Variants in FBXL5 observed in about 807,000 individuals in gnomAD.
FBXL5 encodes the protein F-box/LRR-repeat protein 5.
FBXL5 carries 26 observed loss-of-function variants against 78.3 expected under a neutral mutation model. The observed-to-expected ratio is 0.33, with a 90% CI of 0.24 to 0.46. The LOEUF is 0.46. Ranked by LOEUF, FBXL5 falls within the 20% of genes least tolerant of loss-of-function variation. FBXL5 has a pLI of 1.00. For missense variants in FBXL5, 710 were observed against 829.2 expected (o/e 0.86, Z 1.77); for synonymous variants, 295 against 282.5 (o/e 1.04, Z -0.45).
At chr4:15,622,831 T>C (rs1166348831) in intron 9 of FBXL5, among the ~76,000 whole-genome samples, 2 of 152,212 alleles carry the variant, frequency 1.3e-5, no homozygotes, top group Non-Finnish European at 2.9e-5. Flanking sequence ...ATCCTACGTG[T>C]TCCCTTGTTC....
intron 6 of FBXL5, 41 bp downstream of exon 6, chr4:15,630,625 T>C (rs1189047572): frequency 7.3e-6 from 11 of 1,496,726 alleles, no homozygotes; most frequent in Non-Finnish European, 9.8e-6. Context: ...TTATCAATTA[T>C]TAAAACACTA....
chr4:15,640,601 CCTTT>C (rs1445382157), intron 3 of FBXL5, among the ~76,000 whole-genome samples, 183 bp downstream of exon 3: 2 of 152,004 alleles, frequency 1.3e-5, no homozygotes, highest in South Asian at 2.1e-4. Flanking sequence ...AAAGCAACAA[CCTTT>C]CTGAGAAAAC....
At chr4:15,642,708 A>G (rs371976592) in intron 2 of FBXL5, among the ~76,000 whole-genome samples, 19 of 152,150 alleles carry the variant, frequency 1.2e-4, no homozygotes, top group African/African-American at 4.6e-4. Context: ...TCCTACTTAT[A>G]TGCTAATAAT....
chr4:15,606,468 C>T (rs907430436), intron 10 of FBXL5, among the ~76,000 whole-genome samples: 1 of 152,022 alleles, frequency 6.6e-6, no homozygotes, highest in Admixed American at 6.6e-5. Flanking sequence ...ATCCCAGTCA[C>T]ACTATGCTAC....
Position 15,665,276 on chromosome 4 carries a change from A to G in FBXL5, c.-283-5354T>C, listed in dbSNP as rs916814822. On this transcript the variant is annotated intron_variant, in intron 1 of 4. Transcript: ENST00000507899. ...TTTACGTGAAGTAGCCGTCAACCATATTTACTTAGAGCCCCCTACCTCCCT... is the reference window on the plus strand; with the variant it reads ...TTTACGTGAAGTAGCCGTCAACCATGTTTACTTAGAGCCCCCTACCTCCCT... Among the ~76,000 whole-genome samples, 5 of 152,194 alleles carry G rather than the reference A, an allele frequency of 3.3e-5. No homozygotes were observed. The South Asian group carries it at 8.3e-4, about 25-fold the overall frequency.
At chr4:15,633,887 C>G (rs1442227942) in intron 5 of FBXL5, among the ~76,000 whole-genome samples, 1 of 152,170 alleles carries the variant, frequency 6.6e-6, no homozygotes, top group Non-Finnish European at 1.5e-5. Context: ...CAGGCGTGAG[C>G]CACCGTGCCT....
chr4:15,611,374 T>C (rs571568585), intron 10 of FBXL5, among the ~76,000 whole-genome samples: 28 of 152,186 alleles, frequency 1.8e-4, no homozygotes, highest in African/African-American at 6.5e-4. Flanking sequence ...TTTGTTGATT[T>C]TCCTGTCATC....
At chr4:15,646,550 T>A (rs1380248549) in intron 1 of FBXL5, among the ~76,000 whole-genome samples, 3 of 151,888 alleles carry the variant, frequency 2.0e-5, no homozygotes, top group African/African-American at 2.4e-5. Context: ...TATTTTTTAT[T>A]ATTATTATTA....
At chr4:15,621,584 A>G (rs1042041279) in intron 9 of FBXL5, among the ~76,000 whole-genome samples, 2 of 152,252 alleles carry the variant, frequency 1.3e-5, no homozygotes, top group Non-Finnish European at 2.9e-5. Context: ...CTACGATGTG[A>G]ATAAACCTTG....
intron 9 of FBXL5, among the ~76,000 whole-genome samples, chr4:15,615,461 GGTTT>G (rs1278433619): frequency 2.7e-5 from 4 of 150,790 alleles, no homozygotes; most frequent in Non-Finnish European, 5.9e-5. Flanking sequence ...TTTAGCTCAA[GGTTT>G]GTGAGTGCAC....
chr4:15,614,315 C>G (rs1016069206), intron 9 of FBXL5, among the ~76,000 whole-genome samples: 4 of 152,254 alleles, frequency 2.6e-5, no homozygotes, highest in African/African-American at 9.6e-5. Flanking sequence ...GCCATGGGTA[C>G]CAGCACCTGC....
intron 1 of FBXL5, among the ~76,000 whole-genome samples, chr4:15,681,002 T>C (rs774686352): frequency 6.6e-6 from 1 of 150,728 alleles, no homozygotes; most frequent in South Asian, 2.1e-4. Context: ...AAAAATTTGG[T>C]TTGTGACAAA....
rs373249492 is a variant in FBXL5 at position 15,630,719 on chromosome 4, T to C, written c.839A>G (p.Asp280Gly). The C allele has an allele frequency of 4.4e-6, 7 of 1,607,498 alleles. No individual in the cohort carries two copies. Among genetic ancestry groups the C allele is most frequent in the African/African-American group, 2.7e-5 (2 of 74,588 alleles). Reference sequence around the variant, plus strand: ...CCACTCATGAAAAGCACGACTTTCATCTTTCCTATTTTTCACCCATTCATC... The same window carrying C: ...CCACTCATGAAAAGCACGACTTTCACCTTTCCTATTTTTCACCCATTCATC... The part of the protein sequence containing the change: ...PDDEWVKNRK[D>G]ESRAFHEWDE... The change falls in exon 6 of 11, where the codon GAT (aspartate) becomes GGT (glycine). Residue 280 changes from aspartate to glycine, a missense_variant. This residue lies in a region of FBXL5 where 517 missense variants were observed against 542.9 expected (regional missense o/e 0.95). Transcript: ENST00000341285.
chr4:15,631,803 A>C (rs1443376469), intron 5 of FBXL5, among the ~76,000 whole-genome samples: 1 of 151,786 alleles, frequency 6.6e-6, no homozygotes, highest in Non-Finnish European at 1.5e-5. Context: ...TTCTTTGTAG[A>C]TTCTGGATAT....
rs757194356 is a variant in FBXL5 at position 15,655,282 on chromosome 4, C to A, written c.6G>T (p.Ala2=). The A allele has an allele frequency of 6.3e-6, 9 of 1,426,354 alleles. No homozygotes were observed. In the African/African-American group the frequency reaches 7.4e-5, roughly 12 times the overall value. 88.4% of individuals were successfully genotyped at this position (1,426,354 alleles called of 1,614,324 possible). The change falls in exon 1 of 11, where the codon GCG becomes GCT. Residue 2 remains alanine (A), a synonymous_variant. Coordinates refer to ENST00000341285, the MANE Select transcript of FBXL5 (RefSeq NM_012161.4). M[A]PFPEEVDVFT... ...AGACGTCCACTTCTTCAGGAAAGGG[C>A]GCCATCGCCACTGCCTCAGCCTCCG...
At chr4:15,634,062 A>C (rs1331106700) in intron 5 of FBXL5, among the ~76,000 whole-genome samples, 1 of 152,196 alleles carries the variant, frequency 6.6e-6, no homozygotes, top group Non-Finnish European at 1.5e-5. Context: ...TATGATACCC[A>C]AAGATGGGGC....
At chr4:15,638,951 G>A (rs1476999683) in intron 3 of FBXL5, among the ~76,000 whole-genome samples, 1 of 152,114 alleles carries the variant, frequency 6.6e-6, no homozygotes, top group Non-Finnish European at 1.5e-5. Flanking sequence ...GGTCACCTGA[G>A]GTCGGGAGTT....
At chr4:15,673,345 G>C (rs532997412) in intron 1 of FBXL5, among the ~76,000 whole-genome samples, 1 of 152,144 alleles carries the variant, frequency 6.6e-6, no homozygotes, top group East Asian at 1.9e-4. Flanking sequence ...GGAGGCTGAG[G>C]TGGGAGGATC....
At chr4:15,656,091 A>G (rs1716906430), upstream of FBXL5, 1 of 438,498 alleles carries the variant, frequency 2.3e-6, no homozygotes, top group Non-Finnish European at 4.6e-6. Flanking sequence ...CAAGTGCAGG[A>G]ACGCGGGTCA....
Sources: gnomAD v4.1 joint callset for allele counts (sites outside exome capture counted in the v4.1 genomes callset) on GRCh38, gnomAD v4.1.1 for gene constraint, gnomAD v4.1.1 regional missense constraint, MANE v1.5 for transcripts, NCBI Gene and HGNC (gene_info 2026-07-23, HGNC 2026-07-21) for gene names.